Variants in ALOXE3 observed in about 807,000 individuals in gnomAD.
ALOXE3 encodes hydroperoxide isomerase ALOXE3.
In ALOXE3, 78 loss-of-function variants were observed where a neutral mutation model predicts 87.5. The observed-to-expected ratio is 0.89, with a 90% CI of 0.74 to 1.08. ALOXE3 has a LOEUF of 1.08. ALOXE3 is among the 50% of genes least tolerant of loss of function. The pLI, the probability that ALOXE3 is intolerant of heterozygous loss-of-function variation, is 0.00. For synonymous variants in ALOXE3, 363 were observed against 370.8 expected (o/e 0.98, Z 0.24); for missense variants, 946 against 912.4 (o/e 1.04, Z -0.47).
At chr17:8,097,790 C>T (rs1978643778) in intron 15 of ALOXE3, among the ~76,000 whole-genome samples, 1 of 150,580 alleles carries the variant, frequency 6.6e-6, no homozygotes, top group Non-Finnish European at 1.5e-5. Context: ...CACTGTCGCC[C>T]AGGTTGGAGT....
Position 8,107,981 on chromosome 17 carries a change from AGAAAGAAAGAAAGGAAG to A in ALOXE3, c.1684+470_1684+486del, listed in dbSNP as rs1336746358. ...AGAAAGGAAGGAGAGAGAGAGAGAG[AGAAAGAAAGAAAGGAAG>A]GAAAGAAAGAAAGAAAGAAAGAAAG... On this transcript the variant is annotated intron_variant, in intron 13 of 15. Transcript: ENST00000448843. Among the ~76,000 whole-genome samples the A allele has an allele frequency of 6.7e-5, 2 of 29,906 alleles. 1 individual carries two copies. The highest frequency in any genetic ancestry group is 1.7e-4 in the Non-Finnish European group (2 of 11,658). The allele number at this position is 29,906 out of a possible 152,430, so 19.6% of individuals were successfully genotyped here.
chr17:8,104,002 G>A, intron 14 of ALOXE3, 113 bp downstream of exon 14: 1 of 901,348 alleles, frequency 1.1e-6, no homozygotes, highest in Non-Finnish European at 1.8e-6. Context: ...CCAACCCCAA[G>A]TCTAATCATA....
intron 15 of ALOXE3, among the ~76,000 whole-genome samples, chr17:8,099,107 C>T (rs529242797): frequency 1.4e-3 from 207 of 150,962 alleles, no homozygotes; most frequent in African/African-American, 4.6e-3. Flanking sequence ...GTCCTCTTGC[C>T]TCTGCTTCCC....
chr17:8,101,078 A>T (rs1978895499), intron 15 of ALOXE3, among the ~76,000 whole-genome samples: 1 of 145,390 alleles, frequency 6.9e-6, no homozygotes, highest in Non-Finnish European at 1.5e-5. Flanking sequence ...CCCAGGCTGG[A>T]GTTCAGTGGT....
rs1301843988 is a variant in ALOXE3, at chr17:8,110,504, A to T, written c.982T>A (p.Tyr328Asn). The part of the protein sequence containing the change: ...LERGNIFLAD[Y>N]WILAEAPTHC... ...GTGGGGGCCTCCGCCAGGATCCAGT[A>T]GTCCGCTAGGAAGATGTTCCCCCTC... Residue 328 changes from tyrosine (Y) to asparagine (N), a missense_variant, in exon 9 of 16, where the codon TAC becomes AAC. Transcript: ENST00000448843. The T allele has an allele frequency of 6.2e-7, 1 of 1,613,970 alleles. No homozygotes were observed. Among genetic ancestry groups the T allele is most frequent in the South Asian group, 1.1e-5 (1 of 91,086 alleles).
At chr17:8,105,952 G>A (rs1213213354) in intron 13 of ALOXE3, among the ~76,000 whole-genome samples, 2 of 149,980 alleles carry the variant, frequency 1.3e-5, no homozygotes, top group Non-Finnish European at 3.0e-5. Flanking sequence ...GAGTAGGAAG[G>A]CACGGGGTAT....
At position 8,112,214 on chromosome 17, in the gene ALOXE3, G is replaced by A. The variant is rs951395133; in HGVS notation, c.681-18C>T. 2 of 1,595,156 alleles carry A rather than the reference G, an allele frequency of 1.3e-6. No individual in the cohort carries two copies. Among genetic ancestry groups the A allele is most frequent in the Non-Finnish European group, 1.7e-6 (2 of 1,162,780 alleles). On this transcript the variant is annotated intron_variant, in intron 6 of 15. Coordinates refer to ENST00000448843, the MANE Select transcript of ALOXE3 (RefSeq NM_021628.3). ...CCAAGGACCTGATGGGAGAGGAAAA[G>A]ATGAGGGTGAGGTCTGGGGGCTAGA...
intron 3 of ALOXE3, among the ~76,000 whole-genome samples, chr17:8,116,317 G>A (rs3027223): frequency 0.071 from 10,878 of 152,186 alleles, 847 homozygotes; most frequent in East Asian, 0.3. Flanking sequence ...AATCCTAGCA[G>A]CACCTCTCAG....
chr17:8,109,914 A>T lies in ALOXE3; in HGVS notation c.1392+2T>A, dbSNP rs1979881056. 1.3e-6 allele frequency: 2 copies of T among 1,549,590 alleles called. No homozygotes were observed. Among genetic ancestry groups the T allele is most frequent in the Non-Finnish European group, 1.7e-6 (2 of 1,146,154 alleles). ...ATCAGTGACCCGGCAGGGAGGCCGC[A>T]CCTGGTCCACGAGGCCCTCGGGGTT... On this transcript the variant is annotated splice_donor_variant, in intron 11 of 15. Transcript: ENST00000448843. LOFTEE classifies it high-confidence loss of function.
At position 8,109,363 on chromosome 17, in the gene ALOXE3, C is replaced by G; in HGVS notation, c.1393-20G>C. 1.9e-6 allele frequency: 3 copies of G among 1,611,754 alleles called. No homozygotes were observed. Among genetic ancestry groups the G allele is most frequent in the East Asian group, 2.2e-5 (1 of 44,848 alleles). On this transcript the variant is annotated intron_variant, in intron 11 of 15. Transcript: ENST00000448843. ...CGTGACCTGAGGACACAGCACAGCT[C>G]GGCTCCCGGGCCGGCCCAATCCCCA...
intron 15 of ALOXE3, 46 bp from the exon 16 acceptor site, chr17:8,096,852 T>G: frequency 6.2e-7 from 1 of 1,600,634 alleles, no homozygotes; most frequent in Admixed American, 1.7e-5. Context: ...TCAGATGGGA[T>G]GGGGAATAAC....
At chr17:8,098,939 C>T (rs936462419) in intron 15 of ALOXE3, among the ~76,000 whole-genome samples, 7 of 151,842 alleles carry the variant, frequency 4.6e-5, no homozygotes, top group Admixed American at 1.3e-4. Flanking sequence ...CAGCCTTGAA[C>T]TCCCAAATTT....
chr17:8,112,343 C>T (rs1413363542), intron 6 of ALOXE3, 147 bp from the exon 7 acceptor site: 2 of 662,122 alleles, frequency 3.0e-6, no homozygotes, highest in African/African-American at 3.6e-5. Flanking sequence ...AAGTCTAGTA[C>T]CCGGTGGAGG....
At chr17:8,104,269 G>C in intron 13 of ALOXE3, 54 bp from the exon 14 acceptor site, 1 of 1,404,218 alleles carries the variant, frequency 7.1e-7, no homozygotes, top group Non-Finnish European at 1.0e-6. Flanking sequence ...TGGATTCCTA[G>C]GGCCAGCTCA....
intron 9 of ALOXE3, 44 bp from the exon 10 acceptor site, chr17:8,110,339 G>A: frequency 6.2e-7 from 1 of 1,610,104 alleles, no homozygotes; most frequent in Non-Finnish European, 8.5e-7. Flanking sequence ...CCGGGCTGGC[G>A]GTTAGCACCT....
rs1979958218 is a variant in ALOXE3, at chr17:8,110,397, G to A, written c.1089C>T (p.Pro363=). 2 of 1,608,090 alleles carry A rather than the reference G, an allele frequency of 1.2e-6. No individual in the cohort carries two copies. Among genetic ancestry groups the A allele is most frequent in the Middle Eastern group, 1.7e-4 (1 of 5,944 alleles). Residue 363 remains proline, a synonymous_variant, in exon 9 of 16, where the codon CCC becomes CCT. Coordinates refer to ENST00000448843, the MANE Select transcript of ALOXE3 (RefSeq NM_021628.3). ...GCGCCGGGCTCACCTGGATGGCCAAGGGCACCAGCGCCCCCTGGGGGCTGA... is the reference window on the plus strand; with the variant it reads ...GCGCCGGGCTCACCTGGATGGCCAAAGGCACCAGCGCCCCCTGGGGGCTGA... ...LWLSPQGALV[P]LAIQLSQTPG... is the part of the protein sequence containing the mutation.
chr17:8,118,602 AC>A (rs1250401100), upstream of ALOXE3: 3 of 1,532,870 alleles, frequency 2.0e-6, no homozygotes, highest in African/African-American at 4.1e-5. Flanking sequence ...GCATTCCAGC[AC>A]ATGTCAAATG....
At chr17:8,106,624 G>A (rs1178619746) in intron 13 of ALOXE3, among the ~76,000 whole-genome samples, 2 of 152,160 alleles carry the variant, frequency 1.3e-5, no homozygotes, top group East Asian at 3.8e-4. Flanking sequence ...ATTGGAATAT[G>A]GAACCTGACC....
chr17:8,103,267 C>T (rs1467805044), intron 15 of ALOXE3, 56 bp downstream of exon 15: 2 of 1,599,966 alleles, frequency 1.3e-6, no homozygotes, highest in Non-Finnish European at 1.7e-6. Flanking sequence ...AAGCCACCAC[C>T]ACCCCTACTG....
Sources: gnomAD v4.1 joint callset for allele counts (sites outside exome capture counted in the v4.1 genomes callset) on GRCh38, gnomAD v4.1.1 for gene constraint, MANE v1.5 for transcripts, NCBI Gene and HGNC (gene_info 2026-07-23, HGNC 2026-07-21) for gene names.